The following PRR5L variants were observed in gnomAD, a reference collection of about 807,000 sequenced individuals.
PRR5L encodes proline rich 5 like.
PRR5L carries 21 observed loss-of-function variants against 36.4 expected under a neutral mutation model. The ratio of observed to expected loss-of-function variants is 0.58; its 90% CI spans 0.41 to 0.83. The LOEUF is 0.83. Ranked by LOEUF, PRR5L falls within the 40% of genes least tolerant of loss-of-function variation. The pLI is 0.00. For missense variants in PRR5L, 381 were observed against 473.3 expected (o/e 0.80, Z 1.81); for synonymous variants, 188 against 197.0 (o/e 0.95, Z 0.38).
chr11:36,336,529 C>CTTTT (rs36024089), intron 1 of PRR5L, among the ~76,000 whole-genome samples: 2 of 104,262 alleles, frequency 1.9e-5, no homozygotes, highest in African/African-American at 3.5e-5. Flanking sequence ...CGCGCCTGGC[C>CTTTT]TTTTTTTTTT....
chr11:36,434,459 A>G (rs755742598), intron 5 of PRR5L, among the ~76,000 whole-genome samples: 6 of 152,212 alleles, frequency 3.9e-5, no homozygotes, highest in Non-Finnish European at 5.9e-5. Context: ...TTACATGTCT[A>G]TATATACACA....
At chr11:36,420,416 A>G (rs570520878) in intron 4 of PRR5L, among the ~76,000 whole-genome samples, 2 of 152,362 alleles carry the variant, frequency 1.3e-5, no homozygotes, top group East Asian at 3.9e-4. Context: ...CTTACTAGCT[A>G]TGTGACCTTG....
At chr11:36,325,514 G>C (rs554345654) in intron 1 of PRR5L, among the ~76,000 whole-genome samples, 50 of 152,350 alleles carry the variant, frequency 3.3e-4, no homozygotes, top group Admixed American at 1.0e-3. Flanking sequence ...TTGCTGGCTT[G>C]AATGCCTGGG....
At chr11:36,337,406 C>T (rs1590454802) in intron 1 of PRR5L, among the ~76,000 whole-genome samples, 2 of 135,432 alleles carry the variant, frequency 1.5e-5, no homozygotes, top group African/African-American at 4.9e-5. Context: ...AGCCCTCTAA[C>T]ATCTTGATCT....
At chr11:36,334,551 G>A (rs1015567880) in intron 1 of PRR5L, among the ~76,000 whole-genome samples, 1 of 152,140 alleles carries the variant, frequency 6.6e-6, no homozygotes, top group African/African-American at 2.4e-5. Flanking sequence ...CAATTTGCTT[G>A]TAACCCTTTC....
rs1404654520 is a variant in PRR5L, at chr11:36,366,271, GAGTA to G, written c.-125-34722_-125-34719del. Among the ~76,000 whole-genome samples the G allele has an allele frequency of 2.0e-5, 3 of 152,264 alleles. No homozygotes were observed. In the East Asian group the frequency reaches 5.8e-4, roughly 29 times the overall value. On this transcript the variant is annotated intron_variant, in intron 1 of 8. Transcript: ENST00000530639. ...CACCTCTTTCCTGGTGTTGTCTGGG[GAGTA>G]AGTGAGCCACTGCTTGCAAAGTACC...
At chr11:36,410,680 C>A (rs12270583) in intron 3 of PRR5L, among the ~76,000 whole-genome samples, 41,355 of 152,146 alleles carry the variant, frequency 0.27, 8,258 homozygotes, top group African/African-American at 0.57. Flanking sequence ...ACTAGGATGC[C>A]GACACCCGAA....
intron 1 of PRR5L, among the ~76,000 whole-genome samples, chr11:36,391,900 C>G (rs919087252): frequency 1.3e-5 from 2 of 152,180 alleles, no homozygotes; most frequent in African/African-American, 4.8e-5. Flanking sequence ...CTATCACGTA[C>G]AAGATCTTGT....
rs189245258 is a variant in PRR5L, at chr11:36,312,400, G to A, written c.-126+15962G>A. Among the ~76,000 whole-genome samples, 376 of 152,328 alleles carry A rather than the reference G, an allele frequency of 2.5e-3. 1 individual carries two copies. Among genetic ancestry groups the A allele is most frequent in the South Asian group, 7.7e-3 (37 of 4,826 alleles). On this transcript the variant is annotated intron_variant, in intron 1 of 8. Coordinates refer to ENST00000530639, the MANE Select transcript of PRR5L (RefSeq NM_001160167.2). ...AAGGTAAAGATCACCATCTCCATCT[G>A]TTAAACACAGCACTGCTGTGCTGTC...
chr11:36,403,720 A>G (rs1048608828), intron 3 of PRR5L, among the ~76,000 whole-genome samples: 1 of 152,138 alleles, frequency 6.6e-6, no homozygotes, highest in African/African-American at 2.4e-5. Flanking sequence ...AGTTGTTGGA[A>G]CCAGACTGCT....
intron 7 of PRR5L, 30 bp from the exon 8 acceptor site, chr11:36,451,179 C>T (rs1302446757): frequency 1.9e-6 from 3 of 1,612,566 alleles, no homozygotes; most frequent in African/African-American, 1.3e-5. Flanking sequence ...GAACACTGAC[C>T]TTTGTGTATC....
chr11:36,447,553 A>G (rs941919654), intron 7 of PRR5L, among the ~76,000 whole-genome samples: 2 of 152,196 alleles, frequency 1.3e-5, no homozygotes, highest in Non-Finnish European at 2.9e-5. Context: ...ACAAGTTCAG[A>G]TGCTGCAGCA....
chr11:36,303,888 G>C (rs2133449799), intron 1 of PRR5L, among the ~76,000 whole-genome samples: 1 of 152,260 alleles, frequency 6.6e-6, no homozygotes, highest in South Asian at 2.1e-4. Context: ...CCCAACATTG[G>C]ATTTCTGTTA....
intron 1 of PRR5L, among the ~76,000 whole-genome samples, chr11:36,333,810 AGTTGT>A (rs1720959315): frequency 6.6e-6 from 1 of 152,256 alleles, no homozygotes; most frequent in East Asian, 1.9e-4. Flanking sequence ...GTAGTTGCAC[AGTTGT>A]ATACAACTGC....
rs1317179342 is a variant in PRR5L at position 36,355,865 on chromosome 11, A to G, written c.-125-45132A>G. Among the ~76,000 whole-genome samples, 3 of 149,820 alleles carry G rather than the reference A, an allele frequency of 2.0e-5. No homozygotes were observed. The East Asian group carries it at 6.0e-4, about 30-fold the overall frequency. On this transcript the variant is annotated intron_variant, in intron 1 of 8. Transcript: ENST00000530639. ...GGGGTGAGCCACCACACCCAGCCCC[A>G]TGCTTTTAACTACTGAATTTACAAA...
intron 3 of PRR5L, among the ~76,000 whole-genome samples, chr11:36,408,254 C>A (rs1857950660): frequency 6.6e-6 from 1 of 151,410 alleles, no homozygotes; most frequent in African/African-American, 2.4e-5. Flanking sequence ...TGCACTCCAG[C>A]CTGGGGGACA....
intron 1 of PRR5L, among the ~76,000 whole-genome samples, chr11:36,312,544 C>T (rs1199562190): frequency 1.3e-5 from 2 of 152,174 alleles, no homozygotes; most frequent in African/African-American, 4.8e-5. Context: ...TTGCCACTCA[C>T]TTGAGAGGTG....
At chr11:36,373,702 A>T (rs994006089) in intron 1 of PRR5L, among the ~76,000 whole-genome samples, 2 of 150,434 alleles carry the variant, frequency 1.3e-5, no homozygotes, top group African/African-American at 5.0e-5. Context: ...CAGTCCTTCA[A>T]TACTTTTTTA....
chr11:36,346,507 C>T (rs1057304345), intron 1 of PRR5L, among the ~76,000 whole-genome samples: 16 of 151,926 alleles, frequency 1.1e-4, no homozygotes, highest in African/African-American at 3.1e-4. Flanking sequence ...GGCGTGAACC[C>T]GGGAGGCGGA....
Sources: allele counts gnomAD v4.1 joint callset (sites outside exome capture counted in the v4.1 genomes callset), GRCh38; gene constraint gnomAD v4.1.1; transcripts MANE v1.5; gene names NCBI Gene and HGNC (gene_info 2026-07-23, HGNC 2026-07-21).